PTBP3: variants seen among roughly 807,000 people sequenced by gnomAD.
PTBP3 encodes polypyrimidine tract binding protein 3.
A neutral mutation model predicts 58.7 loss-of-function variants in PTBP3; 20 were observed. The observed-to-expected ratio is 0.34, with a 90% CI of 0.24 to 0.50. The LOEUF is 0.50. Among genes scored for constraint, PTBP3 ranks in the 20% least tolerant of loss-of-function variants. PTBP3 has a pLI of 0.98. For missense variants in PTBP3, 509 were observed against 637.2 expected (o/e 0.80, Z 2.17); for synonymous variants, 185 against 219.8 (o/e 0.84, Z 1.40).
At chr9:112,353,352 G>A in the PTBP3 span, among the ~76,000 whole-genome samples, 7 of 151,654 alleles carry the variant, frequency 4.6e-5, no homozygotes, top group African/African-American at 1.7e-4. Context: ...AAGTGAAGGT[G>A]AAAGAGACAG....
chr9:112,354,942 A>G, the PTBP3 span, among the ~76,000 whole-genome samples: 1,748 of 152,290 alleles, frequency 0.011, 32 homozygotes, highest in African/African-American at 0.04. Context: ...GAAAACGTAC[A>G]TGTACTCACA....
At position 112,251,047 on chromosome 9, in the gene PTBP3, G is replaced by A. The variant is rs1836093361; in HGVS notation, c.684C>T (p.Ser228=). The A allele has an allele frequency of 1.2e-6, 2 of 1,612,038 alleles. No homozygotes were observed. Among genetic ancestry groups the A allele is most frequent in the Non-Finnish European group, 1.7e-6 (2 of 1,178,958 alleles). The change falls in exon 7 of 14, where the codon TCC becomes TCT. Residue 228 remains serine (S), a synonymous_variant. Transcript: ENST00000374257. ...NACCTLRIDF[S]KLTSLNVKYN... ...ATTTCACATTAAGGCTGGTGAGCTT[G>A]GAGAAGTCAATGCGCAGAGTGCAGC...
intron 2 of PTBP3, among the ~76,000 whole-genome samples, chr9:112,293,465 G>C (rs541304521): frequency 3.3e-5 from 5 of 152,292 alleles, no homozygotes; most frequent in African/African-American, 1.2e-4. Flanking sequence ...ATGTGATTGA[G>C]TGTCCCCTTC....
At chr9:112,306,935 T>C (rs911266758) in intron 1 of PTBP3, among the ~76,000 whole-genome samples, 4 of 152,158 alleles carry the variant, frequency 2.6e-5, no homozygotes, top group African/African-American at 7.2e-5. Context: ...ACATTCAAAA[T>C]ATAAACTCTA....
chr9:112,302,655 C>T (rs2132337663), intron 1 of PTBP3, among the ~76,000 whole-genome samples: 1 of 140,510 alleles, frequency 7.1e-6, no homozygotes, highest in African/African-American at 2.6e-5. Context: ...GTGACACGAT[C>T]TTAGCTCACT....
At chr9:112,239,338 A>G (rs1054857476) in intron 7 of PTBP3, among the ~76,000 whole-genome samples, 1 of 152,190 alleles carries the variant, frequency 6.6e-6, no homozygotes, top group African/African-American at 2.4e-5. Context: ...CTACTCCCCA[A>G]GTCTGCCCTG....
intron 1 of PTBP3, among the ~76,000 whole-genome samples, chr9:112,320,291 A>AAAAATATATATATATAT (rs1411646280): frequency 5.4e-5 from 4 of 73,526 alleles, no homozygotes; most frequent in East Asian, 3.2e-4. Flanking sequence ...AAAAAAAAAA[A>AAAAATATATATATATAT]ATATATATAT....
intron 4 of PTBP3, 50 bp from the exon 5 acceptor site, chr9:112,262,649 T>C: frequency 2.0e-6 from 3 of 1,466,858 alleles, no homozygotes; most frequent in Non-Finnish European, 2.7e-6. Context: ...ACGCATTATA[T>C]GAATCCTAAA....
chr9:112,313,561 C>T (rs141145899), intron 1 of PTBP3, among the ~76,000 whole-genome samples: 1 of 152,314 alleles, frequency 6.6e-6, no homozygotes, highest in Admixed American at 6.5e-5. Context: ...GAGAGTCTAT[C>T]ACAGACCGGA....
intron 7 of PTBP3, among the ~76,000 whole-genome samples, chr9:112,247,632 G>A (rs1481748462): frequency 5.3e-5 from 8 of 151,908 alleles, no homozygotes; most frequent in Non-Finnish European, 5.9e-5. Flanking sequence ...CAGGAGGATC[G>A]CTTGAGCCCA....
chr9:112,243,494 ATTGTGCAACTGCACTCCAAC>A (rs1250361732), intron 7 of PTBP3, among the ~76,000 whole-genome samples: 4 of 152,182 alleles, frequency 2.6e-5, no homozygotes, highest in South Asian at 4.2e-4. Flanking sequence ...GTGAGCCAAG[ATTGTGCAACTGCACTCCAAC>A]CTGGGCAACA....
At chr9:112,359,888 C>T in the PTBP3 span, among the ~76,000 whole-genome samples, 1 of 151,794 alleles carries the variant, frequency 6.6e-6, no homozygotes, top group African/African-American at 2.4e-5. Flanking sequence ...ATAATCTCAC[C>T]ATGCTTAAAA....
At chr9:112,328,664 G>A (rs775358066) in intron 1 of PTBP3, among the ~76,000 whole-genome samples, 1 of 152,106 alleles carries the variant, frequency 6.6e-6, no homozygotes, top group Non-Finnish European at 1.5e-5. Flanking sequence ...GTGCACGCTT[G>A]TAGATTTACT....
At chr9:112,306,640 A>G (rs1420777130) in intron 1 of PTBP3, among the ~76,000 whole-genome samples, 5 of 150,806 alleles carry the variant, frequency 3.3e-5, no homozygotes, top group African/African-American at 1.2e-4. Context: ...GTTTTGAGAC[A>G]GAGTCTTGCT....
At chr9:112,333,004 C>T (rs957360360) in intron 1 of PTBP3, 1 of 1,283,920 alleles carries the variant, frequency 7.8e-7, no homozygotes, top group Non-Finnish European at 9.9e-7. Flanking sequence ...CGTGCACCCG[C>T]CGTCGGCCGC....
rs1337008040 is a variant in PTBP3, at chr9:112,231,372, G to A, written c.1054+8C>T. 7 of 1,581,918 alleles carry A rather than the reference G, an allele frequency of 4.4e-6. No individual in the cohort carries two copies. On this transcript the variant is annotated splice_region_variant and intron_variant, in intron 10 of 13. Coordinates refer to ENST00000374257, the MANE Select transcript of PTBP3 (RefSeq NM_001163788.4). Reference sequence around the variant, plus strand: ...TAGACAATAATAAAATAGCAAAAATGAACTTACCAAATAGGATAAAAAGCC... The same window carrying A: ...TAGACAATAATAAAATAGCAAAAATAAACTTACCAAATAGGATAAAAAGCC...
chr9:112,279,294 T>C (rs1230240490), intron 2 of PTBP3, among the ~76,000 whole-genome samples: 1 of 152,234 alleles, frequency 6.6e-6, no homozygotes, highest in Non-Finnish European at 1.5e-5. Flanking sequence ...AATACTTTGC[T>C]TGTATAAATC....
At chr9:112,232,338 A>T in intron 8 of PTBP3, 100 bp from the exon 9 acceptor site, 1 of 1,217,302 alleles carries the variant, frequency 8.2e-7, no homozygotes, top group Non-Finnish European at 1.1e-6. Flanking sequence ...AACTACAGAA[A>T]GAAAATGTGT....
At chr9:112,315,965 G>A (rs1460707846) in intron 1 of PTBP3, among the ~76,000 whole-genome samples, 1 of 152,156 alleles carries the variant, frequency 6.6e-6, no homozygotes, top group African/African-American at 2.4e-5. Flanking sequence ...TGCTAAAGCC[G>A]TGCTTACAGG....
Sources: gnomAD v4.1 joint callset for allele counts (sites outside exome capture counted in the v4.1 genomes callset) on GRCh38, gnomAD v4.1.1 for gene constraint, MANE v1.5 for transcripts, NCBI Gene and HGNC (gene_info 2026-07-23, HGNC 2026-07-21) for gene names.